RAP1GAP2: variants seen among roughly 807,000 people sequenced by gnomAD.
The protein encoded by RAP1GAP2 is RAP1 GTPase activating protein 2.
Under a neutral mutation model 95.0 loss-of-function variants are expected in RAP1GAP2, and 27 were observed. The observed-to-expected ratio is 0.28, with a 90% confidence interval of 0.21 to 0.39. The LOEUF is 0.39. Among genes scored for constraint, RAP1GAP2 ranks in the 10% least tolerant of loss-of-function variants. The probability of loss-of-function intolerance (pLI) is 1.00; values close to 1 mark genes in which losing one functional copy is unlikely to be tolerated. For synonymous variants in RAP1GAP2, 373 were observed against 380.9 expected, an observed-to-expected ratio of 0.98 and a Z score of 0.24; for missense variants, 771 against 970.0, an observed-to-expected ratio of 0.79 and a Z score of 2.72.
chr17:2,890,588 G>A (rs2073675450), intron 2 of RAP1GAP2, among the ~76,000 whole-genome samples: 1 of 152,022 alleles, frequency 6.6e-6, no homozygotes, highest in Non-Finnish European at 1.5e-5. Flanking sequence ...TTCTTCTTGG[G>A]CTTGCCGGGA....
At chr17:3,025,982 C>T in intron 19 of RAP1GAP2, 26 bp from the exon 20 acceptor site, 1 of 1,554,284 alleles carries the variant, frequency 6.4e-7, no homozygotes, top group Non-Finnish European at 8.9e-7. Flanking sequence ...TCTCCGCGGC[C>T]TCACTCCTCA....
chr17:2,820,891 G>GTTTCTTTTTTTTTTTTTTTTTTTTT (rs1475267891), intron 2 of RAP1GAP2, among the ~76,000 whole-genome samples: 1 of 114,010 alleles, frequency 8.8e-6, no homozygotes, highest in Non-Finnish European at 1.8e-5. Flanking sequence ...CCCGGATAAT[G>GTTTCTTTTTTTTTTTTTTTTTTTTT]GTTTTTTTTT....
intron 3 of RAP1GAP2, among the ~76,000 whole-genome samples, chr17:2,929,561 C>T (rs1003279514): frequency 2.0e-5 from 3 of 152,144 alleles, no homozygotes; most frequent in Non-Finnish European, 2.9e-5. Context: ...TCGTAGGGAT[C>T]GTTTGGCATC....
At chr17:2,941,666 G>GC (rs1401138110) in intron 3 of RAP1GAP2, among the ~76,000 whole-genome samples, 279 of 88,480 alleles carry the variant, frequency 3.2e-3, no homozygotes, top group Middle Eastern at 0.015. Context: ...GATGACTCTT[G>GC]GGTTTTTTTT....
chr17:2,777,762 A>G (rs2068536913), intron 1 of RAP1GAP2, among the ~76,000 whole-genome samples: 1 of 152,188 alleles, frequency 6.6e-6, no homozygotes, highest in African/African-American at 2.4e-5. Context: ...CTGTCATCAG[A>G]GAAGCCTCCA....
At chr17:2,779,069 G>A (rs941568468) in intron 1 of RAP1GAP2, among the ~76,000 whole-genome samples, 1 of 152,196 alleles carries the variant, frequency 6.6e-6, no homozygotes, top group African/African-American at 2.4e-5. Flanking sequence ...GGCCCAGCGT[G>A]GCCTGACATG....
chr17:2,796,052 A>C (rs185091914), upstream of RAP1GAP2, among the ~76,000 whole-genome samples: 168 of 152,256 alleles, frequency 1.1e-3, no homozygotes, highest in African/African-American at 3.9e-3. The surrounding 1 kb of genome is among the most constrained non-coding windows in gnomAD (Gnocchi z 4.7). Flanking sequence ...GCAGGCAGGC[A>C]AAGGTCCCTG....
At chr17:2,772,859 T>C (rs113844864), upstream of RAP1GAP2, among the ~76,000 whole-genome samples, 164 of 51,158 alleles carry the variant, frequency 3.2e-3, no homozygotes, top group African/African-American at 0.011. Flanking sequence ...TTCTTTCTTT[T>C]TTTTTTTTTT....
intron 3 of RAP1GAP2, among the ~76,000 whole-genome samples, chr17:2,920,182 A>C (rs958213378): frequency 1.4e-4 from 22 of 152,052 alleles, no homozygotes; most frequent in Non-Finnish European, 3.2e-4. Flanking sequence ...GCTTAAAAAA[A>C]ATTTTTTTTA....
intron 2 of RAP1GAP2, among the ~76,000 whole-genome samples, chr17:2,876,391 G>A (rs2073100394): frequency 6.6e-6 from 1 of 152,178 alleles, no homozygotes; most frequent in Non-Finnish European, 1.5e-5. Flanking sequence ...ATTTTAGGGA[G>A]ACGTGAGACA....
At chr17:3,025,444 TGTCC>T (rs2047078702) in intron 19 of RAP1GAP2, among the ~76,000 whole-genome samples, 1 of 152,342 alleles carries the variant, frequency 6.6e-6, no homozygotes, top group Non-Finnish European at 1.5e-5. Flanking sequence ...CTGTGGGCAC[TGTCC>T]ATGGTCTTTG....
chr17:2,895,884 C>T (rs1433611249), intron 2 of RAP1GAP2, among the ~76,000 whole-genome samples: 1 of 152,110 alleles, frequency 6.6e-6, no homozygotes, highest in African/African-American at 2.4e-5. Flanking sequence ...GGCCTGCCCT[C>T]CCCTTTTGCC....
intron 1 of RAP1GAP2, among the ~76,000 whole-genome samples, chr17:2,789,428 C>T (rs72817353): frequency 0.096 from 14,648 of 151,862 alleles, 974 homozygotes; most frequent in East Asian, 0.34. Flanking sequence ...TAGTAAACTT[C>T]GTAGCTTCTT....
At chr17:2,907,985 T>G (rs1386606039) in intron 3 of RAP1GAP2, among the ~76,000 whole-genome samples, 1 of 152,094 alleles carries the variant, frequency 6.6e-6, no homozygotes, top group African/African-American at 2.4e-5. Context: ...TTTTGTATTT[T>G]TAGTAGAGAC....
chr17:2,875,627 C>G (rs564391877), intron 2 of RAP1GAP2, among the ~76,000 whole-genome samples: 1 of 152,268 alleles, frequency 6.6e-6, no homozygotes, highest in South Asian at 2.1e-4. Context: ...TGGGCCTGAC[C>G]GTGACAGGAG....
chr17:3,009,354 C>T (rs1597863246), intron 17 of RAP1GAP2, among the ~76,000 whole-genome samples: 1 of 152,310 alleles, frequency 6.6e-6, no homozygotes, highest in African/African-American at 2.4e-5. Context: ...CCTCAGTGCC[C>T]TGTGAGGAAG....
chr17:2,911,260 A>ATTTTTTTTTTTTTTTTTTTT (rs34227127), intron 3 of RAP1GAP2, among the ~76,000 whole-genome samples: 2 of 132,030 alleles, frequency 1.5e-5, no homozygotes, highest in Admixed American at 8.2e-5. Context: ...TTTGAAGGGG[A>ATTTTTTTTTTTTTTTTTTTT]TTTTTTTTTT....
rs913352417 is a variant in RAP1GAP2, at chr17:2,965,468, G to A, written c.493-72G>A. Reference sequence around the variant, plus strand: ...TGCTGTGGGGCTTCTCCTGGTGAAGGAGGTGGTTTAGGGGGAACATACCTG... The same window carrying A: ...TGCTGTGGGGCTTCTCCTGGTGAAGAAGGTGGTTTAGGGGGAACATACCTG... On this transcript the variant is annotated intron_variant, in intron 7 of 24. Coordinates refer to ENST00000254695, the MANE Select transcript of RAP1GAP2 (RefSeq NM_015085.5). This position sits in a 1 kb window ranked among gnomAD's most constrained non-coding sequence, Gnocchi z 4.7. 1 of 1,111,568 alleles carries A rather than the reference G, an allele frequency of 9.0e-7. No individual in the cohort carries two copies. The highest frequency in any genetic ancestry group is 1.5e-5 in the African/African-American group (1 of 64,600). 68.9% of individuals were successfully genotyped at this position (1,111,568 alleles called of 1,614,324 possible).
At chr17:2,931,281 TGTG>T (rs914274663) in intron 3 of RAP1GAP2, among the ~76,000 whole-genome samples, 46 of 4,848 alleles carry the variant, frequency 9.5e-3, no homozygotes, top group African/African-American at 0.022. Context: ...GAGTGTTTCT[TGTG>T]TGTGTGTGTG....
Sources: allele counts gnomAD v4.1 joint callset (sites outside exome capture counted in the v4.1 genomes callset), GRCh38; gene constraint gnomAD v4.1.1; non-coding constraint Gnocchi (gnomAD v3.1); transcripts MANE v1.5; gene names NCBI Gene and HGNC (gene_info 2026-07-23, HGNC 2026-07-21).